Variants in NFIX observed in about 807,000 individuals in gnomAD.
The protein encoded by NFIX is nuclear factor I X, also known as nuclear factor 1 X-type.
NFIX carries 2 observed loss-of-function variants against 53.3 expected under a neutral mutation model. The ratio of observed to expected loss-of-function variants is 0.04; its 90% CI spans 0.02 to 0.12. The LOEUF (loss-of-function observed/expected upper bound fraction) is 0.12. Among genes scored for constraint, NFIX ranks in the 10% least tolerant of loss-of-function variants. NFIX has a pLI of 1.00. For synonymous variants in NFIX, 244 were observed against 289.0 expected, an observed-to-expected ratio of 0.84 and a Z score of 1.58; for missense variants, 310 against 674.5, an observed-to-expected ratio of 0.46 and a Z score of 5.99.
At chr19:13,053,024 G>A (rs1408552544) in intron 2 of NFIX, among the ~76,000 whole-genome samples, 1 of 152,214 alleles carries the variant, frequency 6.6e-6, no homozygotes, top group Non-Finnish European at 1.5e-5. Context: ...CCTTCCGTGT[G>A]GCCCCACAGC....
intron 2 of NFIX, among the ~76,000 whole-genome samples, chr19:13,034,642 T>G (rs148059358): frequency 6.6e-6 from 1 of 152,306 alleles, no homozygotes; most frequent in Non-Finnish European, 1.5e-5. Context: ...TAAAAATGAA[T>G]GTAATTATCA....
At position 13,093,295 on chromosome 19, in the gene NFIX, C is replaced by T. The variant is rs2018251880; in HGVS notation, c.1495-1340C>T. Among the ~76,000 whole-genome samples, 3 of 152,218 alleles carry T rather than the reference C, an allele frequency of 2.0e-5. No homozygotes were observed. Among genetic ancestry groups the T allele is most frequent in the Admixed American group, 2.0e-4 (3 of 15,282 alleles). On this transcript the variant is annotated intron_variant, in intron 10 of 10. Transcript: ENST00000592199. The surrounding 1 kb of genome is among the most constrained non-coding windows in gnomAD (Gnocchi z 4.7). Reference sequence around the variant, plus strand: ...AGTGTCCCTATCCTCAGTCCCAAACCAGAGCCTGAGAGCAGGTCTGGCCTG... The same window carrying T: ...AGTGTCCCTATCCTCAGTCCCAAACTAGAGCCTGAGAGCAGGTCTGGCCTG...
At position 13,001,646 on chromosome 19, in the gene NFIX, G is replaced by C. The variant is rs181049706; in HGVS notation, c.27+5782G>C. Among the ~76,000 whole-genome samples the C allele has an allele frequency of 5.9e-5, 9 of 152,268 alleles. No homozygotes were observed. Among genetic ancestry groups the C allele is most frequent in the Admixed American group, 3.9e-4 (6 of 15,306 alleles). Reference sequence around the variant, plus strand: ...CGTGTTGGCCTGTCCGTGTCAACTTGTGTCCACATACGTGTCAACGCACGT... The same window carrying C: ...CGTGTTGGCCTGTCCGTGTCAACTTCTGTCCACATACGTGTCAACGCACGT... On this transcript the variant is annotated intron_variant, in intron 1 of 10. Coordinates refer to ENST00000592199, the MANE Select transcript of NFIX (RefSeq NM_001365902.3). The surrounding 1 kb of genome is among the most constrained non-coding windows in gnomAD (Gnocchi z 6.5).
chr19:13,075,419 G>A (rs927300936), intron 5 of NFIX, 116 bp from the exon 6 acceptor site: 208 of 1,164,922 alleles, frequency 1.8e-4, no homozygotes, highest in Admixed American at 7.6e-4. Flanking sequence ...GCTGTCGGCC[G>A]GCACCACTCC....
At position 13,093,290 on chromosome 19, in the gene NFIX, C is replaced by T. The variant is rs2018251534; in HGVS notation, c.1495-1345C>T. On this transcript the variant is annotated intron_variant, in intron 10 of 10. Coordinates refer to ENST00000592199, the MANE Select transcript of NFIX (RefSeq NM_001365902.3). The surrounding 1 kb of genome is among the most constrained non-coding windows in gnomAD (Gnocchi z 4.7). ...AACTCAGTGTCCCTATCCTCAGTCC[C>T]AAACCAGAGCCTGAGAGCAGGTCTG... 6.6e-6 allele frequency among the ~76,000 whole-genome samples: 1 copy of T among 152,220 alleles called. No homozygotes were observed. The highest frequency in any genetic ancestry group is 1.5e-5 in the Non-Finnish European group (1 of 68,050).
At position 13,045,498 on chromosome 19, in the gene NFIX, G is replaced by T. The variant is rs1186111481; in HGVS notation, c.559+19946G>T. Among the ~76,000 whole-genome samples, 1 of 152,136 alleles carries T rather than the reference G, an allele frequency of 6.6e-6. No homozygotes were observed. Among genetic ancestry groups the T allele is most frequent in the Admixed American group, 6.5e-5 (1 of 15,274 alleles). On this transcript the variant is annotated intron_variant, in intron 2 of 10. Transcript: ENST00000592199. The surrounding 1 kb of genome is among the most constrained non-coding windows in gnomAD (Gnocchi z 4.4). ...GACAGTATCTAGCCCCAGCATGAGG[G>T]GTAATGAGGTTGAGAAACCCTGACT...
rs1022134649 is a variant in NFIX at position 13,021,826 on chromosome 19, C to G, written c.28-3195C>G. ...AAGGTCCCCAAGTGGAGGACCAGAG[C>G]AGGGGCTCCCCGGTGGGTCACTTCT... On this transcript the variant is annotated intron_variant, in intron 1 of 10. Transcript: ENST00000592199. The surrounding 1 kb of genome is among the most constrained non-coding windows in gnomAD (Gnocchi z 4.2). Among the ~76,000 whole-genome samples, 1 of 152,124 alleles carries G rather than the reference C, an allele frequency of 6.6e-6. No individual in the cohort carries two copies. The highest frequency in any genetic ancestry group is 6.6e-5 in the Admixed American group (1 of 15,260).
chr19:13,018,944 G>C (rs1432164644), intron 1 of NFIX, among the ~76,000 whole-genome samples: 2 of 152,176 alleles, frequency 1.3e-5, no homozygotes, highest in African/African-American at 4.8e-5. Flanking sequence ...TTCATACCCA[G>C]GCTGCAGATA....
At chr19:13,053,190 C>T (rs973700306) in intron 2 of NFIX, among the ~76,000 whole-genome samples, 1 of 152,060 alleles carries the variant, frequency 6.6e-6, no homozygotes, top group African/African-American at 2.4e-5. Flanking sequence ...TCCAGGAAAC[C>T]TAGATGGGGG....
intron 1 of NFIX, among the ~76,000 whole-genome samples, chr19:12,999,862 A>G (rs1438751341): frequency 6.6e-6 from 1 of 152,134 alleles, no homozygotes; most frequent in Admixed American, 6.5e-5. Context: ...CCCTGTTTTC[A>G]TGGCACTTGG....
At position 13,090,283 on chromosome 19, in the gene NFIX, C is replaced by G. The variant is rs1356705927; in HGVS notation, c.1403-16C>G. On this transcript the variant is annotated splice_polypyrimidine_tract_variant and intron_variant, in intron 9 of 10. Coordinates refer to ENST00000592199, the MANE Select transcript of NFIX (RefSeq NM_001365902.3). The surrounding 1 kb of genome is among the most constrained non-coding windows in gnomAD (Gnocchi z 6.6). ...GGCCTGACAGGGTCTCTCCCTCTCT[C>G]CCCTGCTCCCCACAGCATTCGCAAC... is the stretch of plus-strand genomic sequence containing the variant. 1 of 1,613,258 alleles carries G rather than the reference C, an allele frequency of 6.2e-7. No homozygotes were observed. Among genetic ancestry groups the G allele is most frequent in the Non-Finnish European group, 8.5e-7 (1 of 1,179,404 alleles).
chr19:13,061,082 A>ACCC (rs33987685), intron 2 of NFIX, among the ~76,000 whole-genome samples: 14 of 136,866 alleles, frequency 1.0e-4, no homozygotes, highest in South Asian at 2.5e-4. Context: ...GTGGCCTTAG[A>ACCC]CCCCCCCCTC....
At chr19:13,003,332 G>T (rs1266716647) in intron 1 of NFIX, among the ~76,000 whole-genome samples, 1 of 152,152 alleles carries the variant, frequency 6.6e-6, no homozygotes. Context: ...GTGCATGTGG[G>T]TGCAGACACA....
chr19:13,042,387 C>T (rs1462943494), intron 2 of NFIX, among the ~76,000 whole-genome samples: 13 of 110,794 alleles, frequency 1.2e-4, no homozygotes, highest in East Asian at 3.1e-4. Context: ...GAGACAGAGT[C>T]GCTGTCACCC....
Position 13,014,120 on chromosome 19 carries a change from C to T in NFIX, c.28-10901C>T, listed in dbSNP as rs1184002376. 6.6e-6 allele frequency: 1 copy of T among 152,220 alleles called. No homozygotes were observed. The highest frequency in any genetic ancestry group is 1.5e-5 in the Non-Finnish European group (1 of 68,034). The allele number at this position is 152,220 out of a possible 1,614,324, so 9.4% of individuals were successfully genotyped here. A position where few individuals can be genotyped will look rare whatever the true frequency, so the allele number is the denominator to read the frequency against. ...ATAACTCGTCTCTCCTCTCTCCTCT[C>T]CATTCAGCATTGTCTTATTTAAGGG... On this transcript the variant is annotated intron_variant, in intron 1 of 10. Transcript: ENST00000592199. This position sits in a 1 kb window ranked among gnomAD's most constrained non-coding sequence, Gnocchi z 4.4.
At position 13,022,249 on chromosome 19, in the gene NFIX, C is replaced by T. The variant is rs1853632757; in HGVS notation, c.28-2772C>T. Among the ~76,000 whole-genome samples the T allele has an allele frequency of 1.3e-5, 2 of 152,130 alleles. No individual in the cohort carries two copies. Among genetic ancestry groups the T allele is most frequent in the Admixed American group, 1.3e-4 (2 of 15,276 alleles). ...ATTTTAATAAACTGTTGCAGTTTCTCGAGCCGAGCTGTGTTGCGTTGGCAT... is the reference window on the plus strand; with the variant it reads ...ATTTTAATAAACTGTTGCAGTTTCTTGAGCCGAGCTGTGTTGCGTTGGCAT... On this transcript the variant is annotated intron_variant, in intron 1 of 10. Coordinates refer to ENST00000592199, the MANE Select transcript of NFIX (RefSeq NM_001365902.3). The surrounding 1 kb of genome is among the most constrained non-coding windows in gnomAD (Gnocchi z 4.5).
In NFIX at chr19:13,074,002, C is replaced by T. The variant is rs1205290899; in HGVS notation, c.794C>T (p.Ser265Phe). Residue 265 changes from serine (S) to phenylalanine (F), a missense_variant, in exon 5 of 11, where the codon TCC (serine) becomes TTC (phenylalanine). Physicochemically the swap from Ser to Phe is radical, Grantham distance 155. Coordinates refer to ENST00000592199, the MANE Select transcript of NFIX (RefSeq NM_001365902.3). ...NINQVTLGRR[S>F]ITSPPSTSTT... ...AACCAGGTGACCCTGGGGCGGCGGTCCATCACCTCCCCTCCTTCCACCAGG... is the reference window on the plus strand; with the variant it reads ...AACCAGGTGACCCTGGGGCGGCGGTTCATCACCTCCCCTCCTTCCACCAGG... The T allele has an allele frequency of 6.2e-7, 1 of 1,613,892 alleles. No individual in the cohort carries two copies. Among genetic ancestry groups the T allele is most frequent in the African/African-American group, 1.3e-5 (1 of 74,926 alleles).
rs1348521164 is a variant in NFIX at position 13,001,103 on chromosome 19, G to A, written c.27+5239G>A. On this transcript the variant is annotated intron_variant, in intron 1 of 10. Transcript: ENST00000592199. The surrounding 1 kb of genome is among the most constrained non-coding windows in gnomAD (Gnocchi z 6.5). ...GTCCCCTCCCTCCCAGCTGGGGTGG[G>A]GAAAAGGAGGGGGGTGTCTTAATTT... Among the ~76,000 whole-genome samples the A allele has an allele frequency of 6.6e-6, 1 of 152,194 alleles. No homozygotes were observed. The highest frequency in any genetic ancestry group is 1.5e-5 in the Non-Finnish European group (1 of 68,036).
intron 1 of NFIX, among the ~76,000 whole-genome samples, chr19:13,003,497 C>T (rs563167493): frequency 6.6e-6 from 1 of 152,198 alleles, no homozygotes; most frequent in African/African-American, 2.4e-5. Flanking sequence ...ACATGAGCAC[C>T]GATACACCCG....
Sources: gnomAD v4.1 joint callset for allele counts (sites outside exome capture counted in the v4.1 genomes callset) on GRCh38, gnomAD v4.1.1 for gene constraint, Gnocchi (gnomAD v3.1) non-coding constraint, MANE v1.5 for transcripts, NCBI Gene and HGNC (gene_info 2026-07-23, HGNC 2026-07-21) for gene names.